The following AHCTF1 variants were observed in gnomAD, a reference collection of about 807,000 sequenced individuals.
AHCTF1 encodes the protein protein ELYS.
A neutral mutation model predicts 248.4 loss-of-function variants in AHCTF1; 24 were observed. The observed-to-expected ratio is 0.10, with a 90% CI of 0.07 to 0.14. AHCTF1 has a LOEUF of 0.14. AHCTF1 is among the 10% of genes least tolerant of loss of function. The pLI, the probability that AHCTF1 is intolerant of heterozygous loss-of-function variation, is 1.00. For synonymous variants in AHCTF1, 786 were observed against 929.8 expected (o/e 0.85, Z 2.81); for missense variants, 2,206 against 2,636.2 (o/e 0.84, Z 3.57).
intron 24 of AHCTF1, among the ~76,000 whole-genome samples, chr1:246,869,044 CCA>C (rs1662319145): frequency 6.6e-6 from 1 of 151,534 alleles, no homozygotes; most frequent in African/African-American, 2.4e-5. Context: ...CGGGGTTTCA[CCA>C]TGTTGGCCAG....
chr1:246,849,710 G>C lies in AHCTF1; in HGVS notation c.6296C>G (p.Thr2099Ser). 1.2e-5 allele frequency: 20 copies of C among 1,613,992 alleles called. No individual in the cohort carries two copies. Among genetic ancestry groups the C allele is most frequent in the Non-Finnish European group, 1.7e-5 (20 of 1,179,874 alleles). The change falls in exon 33 of 36, where the codon ACT (threonine) becomes AGT (serine). Residue 2099 changes from threonine to serine, a missense_variant. Thr to Ser is a moderately conservative substitution (Grantham distance 58). Transcript: ENST00000648844. ...SFTKSSRSSR[T>S]RSSKAILLPD... is the part of the protein sequence containing the mutation. ...CAACAAGATGGCCTTGCTAGACCGA[G>C]TCCTGCTGCTGCGGGATGATTTAGT...
At chr1:246,919,760 T>C (rs1666393330) in intron 1 of AHCTF1, among the ~76,000 whole-genome samples, 1 of 151,316 alleles carries the variant, frequency 6.6e-6, no homozygotes, top group Admixed American at 6.6e-5. Flanking sequence ...TTCAGGTTCG[T>C]TGCTCCAAGC....
intron 15 of AHCTF1, 97 bp from the exon 16 acceptor site, chr1:246,891,157 A>T: frequency 1.5e-6 from 1 of 681,920 alleles, no homozygotes; most frequent in Admixed American, 3.7e-5. Context: ...CATAATTTGT[A>T]AATATATATT....
intron 12 of AHCTF1, 37 bp from the exon 13 acceptor site, chr1:246,895,962 G>GA (rs776624928): frequency 1.9e-6 from 3 of 1,557,020 alleles, no homozygotes; most frequent in East Asian, 4.5e-5. Context: ...GAAATGGAAA[G>GA]AAAGAGGGTG....
chr1:246,912,386 G>A (rs1436279555), intron 4 of AHCTF1, among the ~76,000 whole-genome samples: 2 of 151,768 alleles, frequency 1.3e-5, no homozygotes, highest in African/African-American at 4.8e-5. Context: ...AGGAGGCTGA[G>A]GCAGGAGAAT....
At chr1:246,876,543 A>T (rs554834471) in intron 23 of AHCTF1, among the ~76,000 whole-genome samples, 1 of 152,354 alleles carries the variant, frequency 6.6e-6, no homozygotes, top group East Asian at 1.9e-4. Flanking sequence ...CAAGACTCAG[A>T]GTGTGTCCCA....
At chr1:246,842,560 T>C (rs12401831) in intron 35 of AHCTF1, 134 bp downstream of exon 35, 128,044 of 588,372 alleles carry the variant, frequency 0.22, 14,458 homozygotes, top group Admixed American at 0.3. Flanking sequence ...CCAGCCTTGG[T>C]GACAGACCGA....
chr1:246,915,963 T>C (rs1666114351), intron 3 of AHCTF1, among the ~76,000 whole-genome samples, 179 bp downstream of exon 3: 1 of 152,222 alleles, frequency 6.6e-6, no homozygotes, highest in South Asian at 2.1e-4. Context: ...TTGAATAACA[T>C]ATCATCTTTA....
chr1:246,859,545 C>CA (rs1661367768), intron 29 of AHCTF1, among the ~76,000 whole-genome samples: 1 of 152,146 alleles, frequency 6.6e-6, no homozygotes, highest in Non-Finnish European at 1.5e-5. Flanking sequence ...TTCAGGAACT[C>CA]AAAACATTTT....
At position 246,851,244 on chromosome 1, in the gene AHCTF1, C is replaced by T; in HGVS notation, c.4762G>A (p.Ala1588Thr). 6.2e-7 allele frequency: 1 copy of T among 1,613,914 alleles called. No homozygotes were observed. The highest frequency in any genetic ancestry group is 8.5e-7 in the Non-Finnish European group (1 of 1,179,860). The change falls in exon 33 of 36, where the codon GCT becomes ACT. Residue 1588 changes from alanine (A) to threonine (T), a missense_variant. By Grantham distance (58) the Ala-to-Thr change is moderately conservative. Transcript: ENST00000648844. ...IAEVDGELFVAQSNFTLILEG... is the reference protein window; with the variant it reads ...IAEVDGELFVTQSNFTLILEG... ...AATATCAAGGTAAAGTTGCTTTGAG[C>T]CACAAAAAGTTCCCCATCTACTTCA... is the stretch of plus-strand genomic sequence containing the variant.
chr1:246,890,874 C>G (rs1487947173), intron 16 of AHCTF1, 82 bp downstream of exon 16: 3 of 885,272 alleles, frequency 3.4e-6, no homozygotes, highest in Non-Finnish European at 4.7e-6. Context: ...GAAAAGAAAC[C>G]CAAAGCATTA....
chr1:246,890,895 A>C, intron 16 of AHCTF1, 61 bp downstream of exon 16: 1 of 1,131,508 alleles, frequency 8.8e-7, no homozygotes, highest in Non-Finnish European at 1.2e-6. Context: ...GAATACAATA[A>C]CAAAATTATA....
In AHCTF1 at chr1:246,850,298, A is replaced by T. The variant is rs1276583020; in HGVS notation, c.5708T>A (p.Ile1903Asn). ...VSTVTSPSRM[I>N]RKLRSTNLDA... ...TAAATTAGTACTTCTCAATTTTCTG[A>T]TCATTCTGCTAGGACTTGTTACCGT... is the stretch of plus-strand genomic sequence containing the variant. The change falls in exon 33 of 36, where the codon ATC becomes AAC. Residue 1903 changes from isoleucine (I) to asparagine (N), a missense_variant. This residue lies in a region of AHCTF1 where 469 missense variants were observed against 470.0 expected (regional missense o/e 1.00). Coordinates refer to ENST00000648844, the MANE Select transcript of AHCTF1 (RefSeq NM_001323342.2). The T allele has an allele frequency of 1.9e-6, 3 of 1,613,800 alleles. No individual in the cohort carries two copies. Among genetic ancestry groups the T allele is most frequent in the East Asian group, 2.2e-5 (1 of 44,884 alleles).
At chr1:246,882,201 G>A (rs1008525869) in intron 21 of AHCTF1, among the ~76,000 whole-genome samples, 2 of 149,410 alleles carry the variant, frequency 1.3e-5, no homozygotes, top group Non-Finnish European at 3.0e-5. Context: ...GTTTCACCGT[G>A]TTAGCCAGGA....
Position 246,849,878 on chromosome 1 carries a change from C to T in AHCTF1, c.6128G>A (p.Ser2043Asn), listed in dbSNP as rs1334039082. The T allele has an allele frequency of 1.2e-6, 2 of 1,613,798 alleles. No individual in the cohort carries two copies. The highest frequency in any genetic ancestry group is 2.2e-5 in the East Asian group (1 of 44,892). The change falls in exon 33 of 36, where the codon AGC (serine) becomes AAC (asparagine). Residue 2043 changes from serine (S) to asparagine (N), a missense_variant. Around this residue, in one of 6 missense-constraint regions of AHCTF1, gnomAD observed 469 missense variants for 470.0 expected, o/e 1.00. Coordinates refer to ENST00000648844, the MANE Select transcript of AHCTF1 (RefSeq NM_001323342.2). ...VPNEELSMVM[S>N]SKKKLTKKTE... ...CTTTTTTGTAAGTTTTTTCTTAGAG[C>T]TCATCACCATCGAAAGTTCCTCGTT...
intron 24 of AHCTF1, among the ~76,000 whole-genome samples, chr1:246,869,036 G>C (rs375082870): frequency 6.6e-6 from 1 of 151,442 alleles, no homozygotes; most frequent in Admixed American, 6.6e-5. Flanking sequence ...AGTAGAGACG[G>C]GGTTTCACCA....
chr1:246,900,291 C>T, intron 9 of AHCTF1, 45 bp from the exon 10 acceptor site: 1 of 1,583,116 alleles, frequency 6.3e-7, no homozygotes, highest in Non-Finnish European at 8.5e-7. Flanking sequence ...GTCAGCTACA[C>T]ATACAAATAC....
intron 28 of AHCTF1, 87 bp from the exon 29 acceptor site, chr1:246,861,382 A>G: frequency 1.6e-6 from 2 of 1,215,036 alleles, no homozygotes; most frequent in Non-Finnish European, 2.3e-6. Context: ...TCATACCCAT[A>G]CTTTCTTTGT....
At position 246,853,159 on chromosome 1, in the gene AHCTF1, C is replaced by G; in HGVS notation, c.4495G>C (p.Glu1499Gln). 6.2e-7 allele frequency: 1 copy of G among 1,612,914 alleles called. No homozygotes were observed. Among genetic ancestry groups the G allele is most frequent in the Non-Finnish European group, 8.5e-7 (1 of 1,179,396 alleles). The change falls in exon 32 of 36, where the codon GAA (glutamate) becomes CAA (glutamine). Residue 1499 changes from glutamate (E) to glutamine (Q), a missense_variant. Physicochemically the swap from Glu to Gln is conservative, Grantham distance 29 (BLOSUM62 2). Around this residue, in one of 6 missense-constraint regions of AHCTF1, gnomAD observed 955 missense variants for 1,055.6 expected, o/e 0.90. Coordinates refer to ENST00000648844, the MANE Select transcript of AHCTF1 (RefSeq NM_001323342.2). Reference sequence around the variant, plus strand: ...TTTTCTTCTGGTAAGTCAACACTTTCTTTTAGTACACCAACTTCTACTTCA... The same window carrying G: ...TTTTCTTCTGGTAAGTCAACACTTTGTTTTAGTACACCAACTTCTACTTCA... ...DHEVEVGVLK[E>Q]SVDLPEEKLP...
Sources: allele counts gnomAD v4.1 joint callset (sites outside exome capture counted in the v4.1 genomes callset), GRCh38; gene constraint gnomAD v4.1.1; regional missense constraint gnomAD v4.1.1; transcripts MANE v1.5; gene names NCBI Gene and HGNC (gene_info 2026-07-23, HGNC 2026-07-21).